Variants in SCMH1 observed in about 807,000 individuals in gnomAD.
The protein encoded by SCMH1 is Scm polycomb group protein homolog 1.
SCMH1 carries 37 observed loss-of-function variants against 70.8 expected under a neutral mutation model. The observed-to-expected ratio is 0.52, with a 90% CI of 0.40 to 0.69. SCMH1 has a LOEUF of 0.69. Ranked by LOEUF, SCMH1 falls within the 30% of genes least tolerant of loss-of-function variation. The probability of loss-of-function intolerance (pLI) is 0.00; values close to 1 mark genes in which losing one functional copy is unlikely to be tolerated. For synonymous variants in SCMH1, 292 were observed against 307.4 expected, an observed-to-expected ratio of 0.95 and a Z score of 0.52; for missense variants, 607 against 827.3, an observed-to-expected ratio of 0.73 and a Z score of 3.27.
At chr1:41,115,798 T>G (rs1026240366) in intron 7 of SCMH1, among the ~76,000 whole-genome samples, 3 of 152,202 alleles carry the variant, frequency 2.0e-5, no homozygotes, top group African/African-American at 7.2e-5. Flanking sequence ...ATTTTCTTTT[T>G]TAAAAATTAA....
At chr1:41,125,505 C>T (rs893276857) in intron 6 of SCMH1, among the ~76,000 whole-genome samples, 16 of 151,394 alleles carry the variant, frequency 1.1e-4, no homozygotes, top group African/African-American at 3.9e-4. Flanking sequence ...GTGTGAGCCA[C>T]TTTGCCCAGC....
At position 41,120,138 on chromosome 1, in the gene SCMH1, T is replaced by G. The variant is rs538456980; in HGVS notation, c.413-3128A>C. Among the ~76,000 whole-genome samples the G allele has an allele frequency of 1.4e-3, 209 of 152,242 alleles. 1 individual carries two copies. The highest frequency in any genetic ancestry group is 4.8e-3 in the African/African-American group (201 of 41,552). On this transcript the variant is annotated intron_variant, in intron 6 of 14. Coordinates refer to ENST00000337495, the Ensembl canonical transcript of SCMH1. ...CCTGCACAATTAGAAAATTCAGGTT[T>G]AATGCCTATAGTTATCAATGACTAG...
rs144153101 is a variant in SCMH1 at position 41,175,988 on chromosome 1, C to T, written c.13+10133G>A. On this transcript the variant is annotated intron_variant, in intron 2 of 14. Coordinates refer to ENST00000337495, the Ensembl canonical transcript of SCMH1. ...ATACAATATATATTCCATTTATATA[C>T]TAGTTTTTAGTATTCTATTGCTTAA... Among the ~76,000 whole-genome samples, 338 of 151,500 alleles carry T rather than the reference C, an allele frequency of 2.2e-3. 3 individuals are homozygous for T. The highest frequency in any genetic ancestry group is 7.6e-3 in the African/African-American group (314 of 41,418).
exon 5 of SCMH1, chr1:41,151,640 G>C (rs753143328): frequency 6.2e-7 from 1 of 1,612,550 alleles, no homozygotes; most frequent in Non-Finnish European, 8.5e-7. Flanking sequence ...ACAGGCGCTG[G>C]GACTGAACAT....
At chr1:41,177,791 T>C (rs1360911529) in intron 2 of SCMH1, among the ~76,000 whole-genome samples, 1 of 152,150 alleles carries the variant, frequency 6.6e-6, no homozygotes, top group African/African-American at 2.4e-5. Flanking sequence ...ATGGGGAGAA[T>C]GGAACCAAGT....
chr1:41,079,347 C>CA (rs11361766), intron 8 of SCMH1, among the ~76,000 whole-genome samples: 4 of 151,162 alleles, frequency 2.6e-5, no homozygotes, highest in South Asian at 2.1e-4. Context: ...CAAACCAGAC[C>CA]AAAAAAAACC....
intron 2 of SCMH1, chr1:41,162,801 C>T (rs2148441180): frequency 6.6e-6 from 1 of 152,370 alleles, no homozygotes; most frequent in Admixed American, 6.5e-5. Context: ...GCTATCCTTC[C>T]TGCTAGGGGC....
intron 1 of SCMH1, among the ~76,000 whole-genome samples, chr1:41,187,713 A>C (rs894307466): frequency 6.6e-6 from 1 of 150,960 alleles, no homozygotes; most frequent in African/African-American, 2.4e-5. Flanking sequence ...GTAGGGGGGA[A>C]TCGCCTGAAC....
At chr1:41,053,422 A>T (rs1648992511) in intron 10 of SCMH1, among the ~76,000 whole-genome samples, 1 of 152,150 alleles carries the variant, frequency 6.6e-6, no homozygotes, top group African/African-American at 2.4e-5. Context: ...GTTTCTTGGG[A>T]CATTTGCTTT....
At chr1:41,074,552 GA>G (rs910494647) in intron 9 of SCMH1, among the ~76,000 whole-genome samples, 45 of 146,840 alleles carry the variant, frequency 3.1e-4, no homozygotes, top group African/African-American at 7.3e-4. Flanking sequence ...CTGATTAAAA[GA>G]AAAAAAAAAC....
intron 6 of SCMH1, among the ~76,000 whole-genome samples, chr1:41,132,198 CTCCAGCATCTA>C (rs1642449013): frequency 6.6e-6 from 1 of 152,156 alleles, no homozygotes; most frequent in South Asian, 2.1e-4. Flanking sequence ...TCCACATCCT[CTCCAGCATCTA>C]TTGTTTCCAG....
intron 8 of SCMH1, among the ~76,000 whole-genome samples, chr1:41,084,546 A>C (rs574927043): frequency 6.6e-6 from 1 of 152,266 alleles, no homozygotes; most frequent in South Asian, 2.1e-4. Flanking sequence ...AAACTAGTTC[A>C]ACCCTTGTGG....
At chr1:41,188,948 TAAGAA>T (rs987236433) in intron 1 of SCMH1, among the ~76,000 whole-genome samples, 3 of 152,098 alleles carry the variant, frequency 2.0e-5, no homozygotes, top group Admixed American at 6.5e-5. Flanking sequence ...GAAAATTCAA[TAAGAA>T]AAGACAGAAC....
intron 3 of SCMH1, 34 bp from the exon 4 acceptor site, chr1:41,160,932 T>G: frequency 6.5e-7 from 1 of 1,544,952 alleles, no homozygotes; most frequent in Non-Finnish European, 8.8e-7. Flanking sequence ...GCATAAGTCA[T>G]TAAGACAAAC....
At chr1:41,242,128 G>T (rs1234162753), upstream of SCMH1, 1 of 149,942 alleles carries the variant, frequency 6.7e-6, no homozygotes, top group Non-Finnish European at 1.5e-5. This position sits in a 1 kb window ranked among gnomAD's most constrained non-coding sequence, Gnocchi z 5.2. Context: ...GCGCAGGGAG[G>T]GAGCGGAGAC....
At chr1:41,111,418 C>A (rs1033789611) in intron 8 of SCMH1, among the ~76,000 whole-genome samples, 3 of 152,230 alleles carry the variant, frequency 2.0e-5, no homozygotes, top group Non-Finnish European at 4.4e-5. Context: ...TGGCTCACTG[C>A]AACCTCTGCC....
intron 8 of SCMH1, among the ~76,000 whole-genome samples, chr1:41,108,821 T>C (rs1370197638): frequency 6.6e-6 from 1 of 152,168 alleles, no homozygotes; most frequent in East Asian, 1.9e-4. Context: ...AACTAGATAG[T>C]ATTACAGAGG....
chr1:41,049,381 C>T (rs914706775), intron 10 of SCMH1, among the ~76,000 whole-genome samples: 13 of 151,486 alleles, frequency 8.6e-5, no homozygotes, highest in Non-Finnish European at 1.6e-4. Context: ...ATTTGCCTTG[C>T]TTTCTGTTTT....
chr1:41,180,652 A>G (rs1256783333), intron 2 of SCMH1, among the ~76,000 whole-genome samples: 1 of 152,232 alleles, frequency 6.6e-6, no homozygotes, highest in Non-Finnish European at 1.5e-5. Context: ...GACGTGAAGG[A>G]GCTCTTTAAG....
Sources: allele counts gnomAD v4.1 joint callset (sites outside exome capture counted in the v4.1 genomes callset), GRCh38; gene constraint gnomAD v4.1.1; non-coding constraint Gnocchi (gnomAD v3.1); transcripts MANE v1.5; gene names NCBI Gene and HGNC (gene_info 2026-07-23, HGNC 2026-07-21).